Variants in ZBTB40 observed in about 807,000 individuals in gnomAD.
ZBTB40 encodes zinc finger and BTB domain-containing protein 40.
ZBTB40 carries 60 observed loss-of-function variants against 117.5 expected under a neutral mutation model. The observed-to-expected ratio is 0.51, with a 90% CI of 0.41 to 0.63. The LOEUF (loss-of-function observed/expected upper bound fraction) is 0.63. Among genes scored for constraint, ZBTB40 ranks in the 30% least tolerant of loss-of-function variants. The pLI is 0.00. For synonymous variants in ZBTB40, 525 were observed against 577.1 expected, an observed-to-expected ratio of 0.91 and a Z score of 1.29; for missense variants, 1,287 against 1,498.5, an observed-to-expected ratio of 0.86 and a Z score of 2.33.
upstream of ZBTB40, among the ~76,000 whole-genome samples, chr1:22,447,081 C>T (rs982168359): frequency 2.0e-4 from 29 of 146,204 alleles, no homozygotes; most frequent in Non-Finnish European, 1.0e-4. Flanking sequence ...CCAGTCTGGG[C>T]GACAGAGCAA....
At chr1:22,518,021 C>T (rs551664265) in intron 13 of ZBTB40, among the ~76,000 whole-genome samples, 18 of 152,208 alleles carry the variant, frequency 1.2e-4, no homozygotes, top group Non-Finnish European at 2.2e-4. Context: ...ATTCGGCATG[C>T]GTGCATGCGT....
At chr1:22,471,094 T>A (rs1214425489) in intron 1 of ZBTB40, among the ~76,000 whole-genome samples, 1 of 152,252 alleles carries the variant, frequency 6.6e-6, no homozygotes, top group African/African-American at 2.4e-5. Context: ...CTTTAAGACT[T>A]TGACAGGTTA....
intron 1 of ZBTB40, among the ~76,000 whole-genome samples, chr1:22,433,199 C>T (rs1477652402): frequency 2.6e-5 from 4 of 151,678 alleles, no homozygotes; most frequent in East Asian, 1.9e-4. Context: ...TTTGGGAAGC[C>T]GAGGCAGGTG....
At chr1:22,516,678 T>C (rs998834266) in intron 12 of ZBTB40, among the ~76,000 whole-genome samples, 4 of 152,186 alleles carry the variant, frequency 2.6e-5, no homozygotes, top group African/African-American at 9.7e-5. Flanking sequence ...CCCTGCTTGC[T>C]CTCTCGGCCC....
At position 22,509,196 on chromosome 1, in the gene ZBTB40, C is replaced by T; in HGVS notation, c.1796C>T (p.Thr599Ile). The change falls in exon 9 of 18, where the codon ACC (threonine) becomes ATC (isoleucine). Residue 599 changes from threonine to isoleucine, a missense_variant. By Grantham distance (89) the Thr-to-Ile change is moderately conservative. Coordinates refer to ENST00000375647, the MANE Select transcript of ZBTB40 (RefSeq NM_014870.4). ...CAGAAGATTGAGTACAAGCTCTTTA[C>T]CTCGGAGGAGGAGCACCTGGCAGAG... is the stretch of plus-strand genomic sequence containing the variant. ...IQQKIEYKLF[T>I]SEEEHLAETV... 1.2e-6 allele frequency: 2 copies of T among 1,614,108 alleles called. No individual in the cohort carries two copies. The highest frequency in any genetic ancestry group is 8.5e-7 in the Non-Finnish European group (1 of 1,180,024).
intron 1 of ZBTB40, among the ~76,000 whole-genome samples, chr1:22,443,467 A>G (rs533347628): frequency 6.6e-6 from 1 of 152,388 alleles, no homozygotes; most frequent in East Asian, 1.9e-4. Context: ...ATTGGTTGAA[A>G]GAGTTAAGCT....
intron 1 of ZBTB40, among the ~76,000 whole-genome samples, chr1:22,462,039 T>C (rs1213446289): frequency 6.6e-6 from 1 of 152,212 alleles, no homozygotes; most frequent in African/African-American, 2.4e-5. Context: ...GAGGAATGTG[T>C]GTGCGGTGTC....
intron 1 of ZBTB40, among the ~76,000 whole-genome samples, chr1:22,429,141 G>A (rs1457522164): frequency 1.3e-5 from 2 of 152,142 alleles, no homozygotes; most frequent in African/African-American, 4.8e-5. Flanking sequence ...CCAGCACTTT[G>A]GGGGGCCGAG....
chr1:22,456,938 G>A (rs1641017965), intron 1 of ZBTB40, among the ~76,000 whole-genome samples: 1 of 152,210 alleles, frequency 6.6e-6, no homozygotes, highest in African/African-American at 2.4e-5. Context: ...TCTTGCAGAT[G>A]GAGTCAGTTC....
At chr1:22,435,407 A>G (rs928121730) in intron 1 of ZBTB40, among the ~76,000 whole-genome samples, 15 of 152,102 alleles carry the variant, frequency 9.9e-5, no homozygotes, top group African/African-American at 2.9e-4. Flanking sequence ...GTTTCTGTAT[A>G]TTTGTTTAAT....
At chr1:22,505,660 T>C (rs1248821805) in intron 5 of ZBTB40, among the ~76,000 whole-genome samples, 3 of 152,184 alleles carry the variant, frequency 2.0e-5, no homozygotes, top group Non-Finnish European at 4.4e-5. Flanking sequence ...AAAATTAAAC[T>C]ATATTAATTA....
intron 1 of ZBTB40, among the ~76,000 whole-genome samples, chr1:22,444,247 A>G (rs910806371): frequency 6.6e-6 from 1 of 152,006 alleles, no homozygotes; most frequent in Non-Finnish European, 1.5e-5. Context: ...ACTCATCTCT[A>G]CTAAAAATAT....
chr1:22,439,801 T>C (rs1640711027), intron 1 of ZBTB40, among the ~76,000 whole-genome samples: 2 of 152,210 alleles, frequency 1.3e-5, no homozygotes. Context: ...TTTAAGATTG[T>C]TTTGGCTATT....
intron 4 of ZBTB40, 91 bp from the exon 5 acceptor site, chr1:22,502,208 T>C (rs1184663800): frequency 1.4e-6 from 2 of 1,466,114 alleles, no homozygotes; most frequent in East Asian, 4.9e-5. Context: ...ATCACTTTAC[T>C]ATTCTGTTAG....
At chr1:22,502,091 C>T (rs1269602342) in intron 4 of ZBTB40, among the ~76,000 whole-genome samples, 3 of 152,152 alleles carry the variant, frequency 2.0e-5, no homozygotes, top group East Asian at 1.9e-4. Flanking sequence ...CTTTGTGTTT[C>T]GACAGATAAA....
In ZBTB40 at chr1:22,528,693, GT is replaced by G. The variant is rs1262134450; in HGVS notation, c.*2302del. On this transcript the variant is annotated 3_prime_UTR_variant, in exon 18 of 18. Coordinates refer to ENST00000375647, the MANE Select transcript of ZBTB40 (RefSeq NM_014870.4). The stretch of plus-strand genomic sequence containing the variant: ...AGGCGTGAGCCACCACTGCTGGCCA[GT>G]TTTTGTATTTTTTTTTTTTTTTGTA... 8.4e-6 allele frequency: 1 copy of G among 119,132 alleles called. No individual in the cohort carries two copies. The highest frequency in any genetic ancestry group is 2.9e-4 in the East Asian group (1 of 3,434). 7.4% of individuals were successfully genotyped at this position (119,132 alleles called of 1,614,324 possible). A position where few individuals can be genotyped will look rare whatever the true frequency, so the allele number is the denominator to read the frequency against.
intron 11 of ZBTB40, 23 bp downstream of exon 11, chr1:22,512,157 A>G: frequency 6.2e-7 from 1 of 1,611,784 alleles, no homozygotes; most frequent in Non-Finnish European, 8.5e-7. Context: ...AGGCAAAGGA[A>G]CAGAGGATGA....
intron 9 of ZBTB40, among the ~76,000 whole-genome samples, 162 bp downstream of exon 9, chr1:22,509,395 G>A (rs1639170031): frequency 6.6e-6 from 1 of 152,122 alleles, no homozygotes; most frequent in African/African-American, 2.4e-5. Context: ...CGCCCAGGCT[G>A]CAGTGCAGTG....
At chr1:22,505,788 A>G (rs1333360199) in intron 5 of ZBTB40, among the ~76,000 whole-genome samples, 1 of 152,260 alleles carries the variant, frequency 6.6e-6, no homozygotes, top group African/African-American at 2.4e-5. Flanking sequence ...ACAAAATGCA[A>G]GCTGTTGGAG....
Sources: gnomAD v4.1 joint callset for allele counts (sites outside exome capture counted in the v4.1 genomes callset) on GRCh38, gnomAD v4.1.1 for gene constraint, MANE v1.5 for transcripts, NCBI Gene and HGNC (gene_info 2026-07-23, HGNC 2026-07-21) for gene names.